Variants in GPR158 observed in about 807,000 individuals in gnomAD.
GPR158 encodes the protein metabotropic glycine receptor.
Under a neutral mutation model 78.2 loss-of-function variants are expected in GPR158, and 30 were observed. The observed-to-expected ratio is 0.38, with a 90% CI of 0.29 to 0.52. The LOEUF is 0.52. Among genes scored for constraint, GPR158 ranks in the 20% least tolerant of loss-of-function variants. The pLI is 0.83. For missense variants in GPR158, 1,463 were observed against 1,523.5 expected (o/e 0.96, Z 0.66); for synonymous variants, 581 against 591.1 (o/e 0.98, Z 0.25).
intron 4 of GPR158, among the ~76,000 whole-genome samples, chr10:25,452,559 T>G (rs2130602776): frequency 6.6e-6 from 1 of 152,232 alleles, no homozygotes. Context: ...TTATACAAAC[T>G]TTTGCTTCAA....
intron 6 of GPR158, among the ~76,000 whole-genome samples, chr10:25,561,660 T>A (rs1001763720): frequency 1.3e-5 from 2 of 151,016 alleles, no homozygotes; most frequent in Non-Finnish European, 2.9e-5. Flanking sequence ...TTTGCAATAT[T>A]ATTACAACTG....
intron 3 of GPR158, among the ~76,000 whole-genome samples, chr10:25,399,206 T>G (rs1409929625): frequency 6.6e-6 from 1 of 152,090 alleles, no homozygotes; most frequent in Non-Finnish European, 1.5e-5. Flanking sequence ...GAGAACTCAC[T>G]CACTATCATG....
intron 2 of GPR158, among the ~76,000 whole-genome samples, chr10:25,355,225 T>C (rs35999042): frequency 0.1 from 15,152 of 152,042 alleles, 1,877 homozygotes; most frequent in African/African-American, 0.3. Flanking sequence ...AACTTTTTTT[T>C]CCTTTTTCTC....
intron 4 of GPR158, among the ~76,000 whole-genome samples, chr10:25,463,452 T>A (rs78742422): frequency 6.6e-6 from 1 of 152,052 alleles, no homozygotes; most frequent in Non-Finnish European, 1.5e-5. Flanking sequence ...GATATATAGA[T>A]GAGGTATGCC....
rs1837429019 is a variant in GPR158 at position 25,597,827 on chromosome 10, T to C, written c.2201T>C (p.Ile734Thr). 5 of 1,525,408 alleles carry C rather than the reference T, an allele frequency of 3.3e-6. No homozygotes were observed. Among genetic ancestry groups the C allele is most frequent in the East Asian group, 4.5e-5 (2 of 43,972 alleles). The allele number at this position is 1,525,408 out of a possible 1,614,324, so 94.5% of individuals were successfully genotyped here. ...GAAATATATAAAAGAAAGAAGATGA[T>C]CACAAACAACCCCCACCTCCAGAAA... Reference protein sequence around the residue: ...QLEIYKRKKMITNNPHLQKKR... With the variant: ...QLEIYKRKKMTTNNPHLQKKR... Residue 734 changes from isoleucine (I) to threonine (T), a missense_variant, in exon 11 of 11, where the codon ATC (isoleucine) becomes ACC (threonine). Transcript: ENST00000376351.
intron 2 of GPR158, among the ~76,000 whole-genome samples, chr10:25,284,706 T>TAA (rs1854322878): frequency 6.6e-6 from 1 of 151,960 alleles, no homozygotes. Flanking sequence ...TTTTTCTGTC[T>TAA]TCTTTTTAAA....
rs547511995 is a variant in GPR158, at chr10:25,200,642, A to T, written c.903-20410A>T. The stretch of plus-strand genomic sequence containing the variant: ...GGGTTTTTATAGTCTTAGGTTTTAC[A>T]AGTCTTTACTGATCTTGAATTGATT... On this transcript the variant is annotated intron_variant, in intron 1 of 10. Transcript: ENST00000376351. Among the ~76,000 whole-genome samples the T allele has an allele frequency of 9.1e-4, 138 of 152,262 alleles. 1 individual carries two copies. Among genetic ancestry groups the T allele is most frequent in the African/African-American group, 3.1e-3 (130 of 41,566 alleles).
chr10:25,243,870 T>C (rs988666746), intron 2 of GPR158, among the ~76,000 whole-genome samples: 5 of 152,212 alleles, frequency 3.3e-5, no homozygotes, highest in Non-Finnish European at 5.9e-5. Flanking sequence ...TTCCTTTATG[T>C]GTCCTTTGTG....
chr10:25,352,071 G>C (rs187863168), intron 2 of GPR158, among the ~76,000 whole-genome samples: 2 of 151,928 alleles, frequency 1.3e-5, no homozygotes, highest in African/African-American at 4.8e-5. Context: ...TCTGGCCCTT[G>C]CATCAGAAAC....
chr10:25,470,831 A>G (rs1278221509), intron 5 of GPR158, among the ~76,000 whole-genome samples: 1 of 152,184 alleles, frequency 6.6e-6, no homozygotes, highest in Non-Finnish European at 1.5e-5. Flanking sequence ...ATTTTTAATT[A>G]TCTGAATATC....
At chr10:25,208,680 C>A (rs866187379) in intron 1 of GPR158, among the ~76,000 whole-genome samples, 1 of 151,448 alleles carries the variant, frequency 6.6e-6, no homozygotes. Flanking sequence ...AAGAACATCT[C>A]GACATTTCCC....
chr10:25,236,868 C>G (rs2130701537), intron 2 of GPR158, among the ~76,000 whole-genome samples: 1 of 152,210 alleles, frequency 6.6e-6, no homozygotes, highest in East Asian at 1.9e-4. Context: ...GATGCCTTTC[C>G]TTTCACTTTG....
intron 7 of GPR158, among the ~76,000 whole-genome samples, chr10:25,573,126 A>C (rs1219254505): frequency 6.6e-6 from 1 of 152,250 alleles, no homozygotes; most frequent in Non-Finnish European, 1.5e-5. Context: ...CAAATAAATC[A>C]GAAAGGAGAA....
At chr10:25,421,796 C>A (rs932229078) in intron 4 of GPR158, among the ~76,000 whole-genome samples, 5 of 152,018 alleles carry the variant, frequency 3.3e-5, no homozygotes, top group African/African-American at 9.6e-5. Flanking sequence ...TTCCTTTTCT[C>A]CCCCTTCCCA....
chr10:25,269,937 T>C (rs1854094963), intron 2 of GPR158, among the ~76,000 whole-genome samples: 1 of 152,182 alleles, frequency 6.6e-6, no homozygotes, highest in Non-Finnish European at 1.5e-5. Context: ...ATCCTAAATC[T>C]AAGCTAGAGT....
intron 4 of GPR158, among the ~76,000 whole-genome samples, chr10:25,451,989 C>T (rs11014568): frequency 0.33 from 50,164 of 151,820 alleles, 9,968 homozygotes; most frequent in Middle Eastern, 0.46. Flanking sequence ...TATTTCCCCA[C>T]ATTCTCCAAA....
At chr10:25,444,311 G>C (rs140822918) in intron 4 of GPR158, among the ~76,000 whole-genome samples, 1 of 151,794 alleles carries the variant, frequency 6.6e-6, no homozygotes, top group Non-Finnish European at 1.5e-5. Flanking sequence ...GTGCATGACT[G>C]TATGTGTGGG....
At chr10:25,210,640 G>A (rs918257140) in intron 1 of GPR158, among the ~76,000 whole-genome samples, 4 of 151,978 alleles carry the variant, frequency 2.6e-5, no homozygotes, top group African/African-American at 2.4e-5. Flanking sequence ...TTCTTCATAT[G>A]CTTGTGGGCC....
At chr10:25,205,914 AG>A (rs1158354543) in intron 1 of GPR158, among the ~76,000 whole-genome samples, 1 of 150,924 alleles carries the variant, frequency 6.6e-6, no homozygotes, top group Non-Finnish European at 1.5e-5. Flanking sequence ...TTCTGTTTTT[AG>A]GTGGAGAGTT....
Sources: allele counts gnomAD v4.1 joint callset (sites outside exome capture counted in the v4.1 genomes callset), GRCh38; gene constraint gnomAD v4.1.1; transcripts MANE v1.5; gene names NCBI Gene and HGNC (gene_info 2026-07-23, HGNC 2026-07-21).